Variants in FNIP1 observed in about 807,000 individuals in gnomAD.
FNIP1 encodes folliculin interacting protein 1.
Under a neutral mutation model 124.5 loss-of-function variants are expected in FNIP1, and 40 were observed. That is an observed-to-expected ratio of 0.32 (90% confidence interval 0.25 to 0.42). The LOEUF (loss-of-function observed/expected upper bound fraction) is 0.42. Ranked by LOEUF, FNIP1 falls within the 10% of genes least tolerant of loss-of-function variation. The pLI, the probability that FNIP1 is intolerant of heterozygous loss-of-function variation, is 1.00. For missense variants in FNIP1, 1,176 were observed against 1,403.7 expected (o/e 0.84, Z 2.59); for synonymous variants, 472 against 470.6 (o/e 1.00, Z -0.04).
chr5:131,668,025 A>C (rs1767652166), intron 15 of FNIP1, among the ~76,000 whole-genome samples: 2 of 152,246 alleles, frequency 1.3e-5, no homozygotes, highest in African/African-American at 2.4e-5. Context: ...TCAATACTTC[A>C]TTCTCAATAA....
In FNIP1 at chr5:131,665,898, A is replaced by ATTTTTT. The variant is rs751409571; in HGVS notation, c.3108+4564_3108+4565insAAAAAA. On this transcript the variant is annotated intron_variant, in intron 15 of 17. Coordinates refer to ENST00000510461, the MANE Select transcript of FNIP1 (RefSeq NM_133372.3). ...GCCACAGCGCTTGGCCTAAAATAAT[A>ATTTTTT]CTTTTTTTTTTTTTTTTTTTTGAGA... 1.7e-5 allele frequency among the ~76,000 whole-genome samples: 2 copies of ATTTTTT among 114,766 alleles called. 1 individual carries two copies. 75.3% of individuals were successfully genotyped at this position (114,766 alleles called of 152,430 possible).
At chr5:131,707,132 G>A (rs530330311) in intron 8 of FNIP1, among the ~76,000 whole-genome samples, 30 of 152,236 alleles carry the variant, frequency 2.0e-4, no homozygotes, top group Admixed American at 8.5e-4. Context: ...ACTCTTTCAC[G>A]GCTGCAATCC....
chr5:131,728,483 T>C (rs1018914754), intron 3 of FNIP1, among the ~76,000 whole-genome samples: 2 of 152,140 alleles, frequency 1.3e-5, no homozygotes, highest in Non-Finnish European at 2.9e-5. Flanking sequence ...TATTGATGGC[T>C]TGCGTATGCT....
At chr5:131,753,067 C>T (rs974261070) in intron 1 of FNIP1, among the ~76,000 whole-genome samples, 7 of 151,996 alleles carry the variant, frequency 4.6e-5, no homozygotes, top group South Asian at 2.1e-4. Context: ...AGTGAAACAT[C>T]GTTTCAAAAC....
chr5:131,775,157 T>C (rs1001191253), intron 1 of FNIP1, among the ~76,000 whole-genome samples: 12 of 152,238 alleles, frequency 7.9e-5, no homozygotes, highest in Admixed American at 2.0e-4. Context: ...CATTACTGTT[T>C]GTTTAGTATC....
At chr5:131,769,640 C>T (rs1273351206) in intron 1 of FNIP1, among the ~76,000 whole-genome samples, 1 of 152,182 alleles carries the variant, frequency 6.6e-6, no homozygotes, top group Non-Finnish European at 1.5e-5. Context: ...TGCAAAAAGG[C>T]TTAATCCCAG....
chr5:131,795,331 C>T (rs905410963), intron 1 of FNIP1, among the ~76,000 whole-genome samples: 4 of 152,044 alleles, frequency 2.6e-5, no homozygotes, highest in Admixed American at 6.5e-5. Flanking sequence ...AATAGTATTA[C>T]GCAACTATGT....
At chr5:131,666,825 T>G (rs1767617073) in intron 15 of FNIP1, among the ~76,000 whole-genome samples, 1 of 152,042 alleles carries the variant, frequency 6.6e-6, no homozygotes, top group Admixed American at 6.6e-5. Context: ...GACAGCAATG[T>G]TTTCCAACGC....
chr5:131,740,307 T>G (rs1303794026), intron 2 of FNIP1, among the ~76,000 whole-genome samples: 2 of 152,238 alleles, frequency 1.3e-5, no homozygotes, highest in Non-Finnish European at 2.9e-5. Context: ...TAAATCCAAT[T>G]ATCTAACCAA....
At chr5:131,660,437 C>T (rs532305162) in intron 15 of FNIP1, among the ~76,000 whole-genome samples, 1 of 152,144 alleles carries the variant, frequency 6.6e-6, no homozygotes, top group Non-Finnish European at 1.5e-5. Context: ...CTTGGCTCCA[C>T]CTGGACTGAC....
chr5:131,776,024 C>A (rs936107380), intron 1 of FNIP1, among the ~76,000 whole-genome samples: 3 of 152,160 alleles, frequency 2.0e-5, no homozygotes, highest in African/African-American at 7.2e-5. Context: ...ATGACTTCAG[C>A]ACAATGCAAA....
At chr5:131,676,264 C>T (rs1431169461) in intron 13 of FNIP1, among the ~76,000 whole-genome samples, 1 of 152,116 alleles carries the variant, frequency 6.6e-6, no homozygotes, top group Non-Finnish European at 1.5e-5. Context: ...CCGCCTGCCT[C>T]GGCCTCCCAA....
At chr5:131,782,453 C>G (rs954297586) in intron 1 of FNIP1, among the ~76,000 whole-genome samples, 4 of 152,068 alleles carry the variant, frequency 2.6e-5, no homozygotes, top group Non-Finnish European at 5.9e-5. Flanking sequence ...CCTGTAGTCT[C>G]AGCTACTCAG....
At chr5:131,687,637 T>A (rs976354791) in intron 11 of FNIP1, among the ~76,000 whole-genome samples, 15 of 152,064 alleles carry the variant, frequency 9.9e-5, no homozygotes, top group Admixed American at 9.2e-4. Context: ...AAACCATCAC[T>A]CTGAAAACTG....
chr5:131,786,773 C>A (rs760044609), intron 1 of FNIP1, among the ~76,000 whole-genome samples: 1 of 152,172 alleles, frequency 6.6e-6, no homozygotes, highest in Non-Finnish European at 1.5e-5. Flanking sequence ...CTCTTGCCCA[C>A]GTGATGCCTT....
At chr5:131,755,972 A>T (rs1771038739) in intron 1 of FNIP1, among the ~76,000 whole-genome samples, 1 of 151,810 alleles carries the variant, frequency 6.6e-6, no homozygotes, top group African/African-American at 2.4e-5. Flanking sequence ...TTGAGATTGT[A>T]CCACTGTATT....
chr5:131,733,757 C>G (rs1770185737), intron 2 of FNIP1, among the ~76,000 whole-genome samples: 1 of 152,180 alleles, frequency 6.6e-6, no homozygotes, highest in East Asian at 1.9e-4. Flanking sequence ...ATTTCTGCAT[C>G]AATATTCATC....
intron 11 of FNIP1, among the ~76,000 whole-genome samples, chr5:131,687,336 A>G (rs896139043): frequency 2.6e-5 from 4 of 151,996 alleles, no homozygotes; most frequent in African/African-American, 9.7e-5. Flanking sequence ...GAACTCCTGG[A>G]CTCAAATGAT....
At chr5:131,656,125 G>A (rs1436112466) in intron 15 of FNIP1, among the ~76,000 whole-genome samples, 1 of 152,078 alleles carries the variant, frequency 6.6e-6, no homozygotes, top group African/African-American at 2.4e-5. Flanking sequence ...AGGTTCTCAT[G>A]TATTTTCCAT....
Sources: allele counts gnomAD v4.1 joint callset (sites outside exome capture counted in the v4.1 genomes callset), GRCh38; gene constraint gnomAD v4.1.1; transcripts MANE v1.5; gene names NCBI Gene and HGNC (gene_info 2026-07-23, HGNC 2026-07-21).